The following RGS12 variants were observed in gnomAD, a reference collection of about 807,000 sequenced individuals.
RGS12 encodes the protein regulator of G-protein signaling 12.
Under a neutral mutation model 120.1 loss-of-function variants are expected in RGS12, and 66 were observed. The observed-to-expected ratio is 0.55, with a 90% CI of 0.45 to 0.67. The LOEUF (loss-of-function observed/expected upper bound fraction) is 0.67. RGS12 is among the 30% of genes least tolerant of loss of function. RGS12 has a pLI of 0.00. For synonymous variants in RGS12, 827 were observed against 804.7 expected, an observed-to-expected ratio of 1.03 and a Z score of -0.47; for missense variants, 1,859 against 1,957.7, an observed-to-expected ratio of 0.95 and a Z score of 0.95.
intron 4 of RGS12, among the ~76,000 whole-genome samples, chr4:3,411,869 C>T (rs540902610): frequency 3.9e-5 from 6 of 152,294 alleles, no homozygotes; most frequent in Admixed American, 6.5e-5. Flanking sequence ...CCCTGTCCTG[C>T]GTGTGAGCGC....
intron 4 of RGS12, among the ~76,000 whole-genome samples, chr4:3,391,182 A>G (rs1719456622): frequency 6.6e-6 from 1 of 152,254 alleles, no homozygotes; most frequent in African/African-American, 2.4e-5. Flanking sequence ...GGACTTCAAA[A>G]TGATGCTCAG....
intron 4 of RGS12, among the ~76,000 whole-genome samples, chr4:3,401,903 T>C (rs937672854): frequency 2.0e-5 from 3 of 152,270 alleles, no homozygotes; most frequent in African/African-American, 7.2e-5. Flanking sequence ...GCCTCGTCTC[T>C]TGCTGCGTAA....
chr4:3,289,141 TTGTTTTACA>T (rs2110336505), upstream of RGS12, among the ~76,000 whole-genome samples: 1 of 152,342 alleles, frequency 6.6e-6, no homozygotes, highest in Admixed American at 6.5e-5. Context: ...TCAGAGAACA[TTGTTTTACA>T]TGTTTTCTTA....
chr4:3,352,079 G>C (rs912327678), intron 3 of RGS12, among the ~76,000 whole-genome samples: 10 of 152,102 alleles, frequency 6.6e-5, no homozygotes, highest in African/African-American at 2.2e-4. Flanking sequence ...TTTAAGCCAG[G>C]CATGCAGTCC....
In RGS12 at chr4:3,365,691, G is replaced by A. The variant is rs933049049; in HGVS notation, c.1999-20725G>A. Among the ~76,000 whole-genome samples the A allele has an allele frequency of 7.9e-5, 12 of 152,134 alleles. No individual in the cohort carries two copies. The highest frequency in any genetic ancestry group is 6.5e-4 in the Admixed American group (10 of 15,280). ...GATCCTCACAGGCCTTTCAGAATAA[G>A]CTCCTTTTACCCTGTCTCTTAGGTT... On this transcript the variant is annotated intron_variant, in intron 3 of 17. Coordinates refer to ENST00000336727, the MANE Select transcript of RGS12 (RefSeq NM_001394154.1). This position sits in a 1 kb window ranked among gnomAD's most constrained non-coding sequence, Gnocchi z 4.0.
intron 3 of RGS12, chr4:3,370,107 G>A: frequency 7.2e-7 from 1 of 1,380,452 alleles, no homozygotes; most frequent in Non-Finnish European, 9.4e-7. Flanking sequence ...CTGAAACCCT[G>A]GCAAGCCACA....
chr4:3,378,861 A>G (rs1717959245), intron 3 of RGS12, among the ~76,000 whole-genome samples: 1 of 152,244 alleles, frequency 6.6e-6, no homozygotes, highest in Admixed American at 6.5e-5. Context: ...TGAAAAATTA[A>G]ATATGGAACT....
At chr4:3,360,218 A>G (rs1015320695) in intron 3 of RGS12, among the ~76,000 whole-genome samples, 5 of 152,132 alleles carry the variant, frequency 3.3e-5, no homozygotes, top group African/African-American at 1.2e-4. Context: ...TGTCCCTTTT[A>G]TCATTTCTGA....
chr4:3,330,462 C>T (rs1230896068), intron 2 of RGS12, among the ~76,000 whole-genome samples: 2 of 152,166 alleles, frequency 1.3e-5, no homozygotes, highest in East Asian at 1.9e-4. Context: ...TTCCTTCACT[C>T]AGGGAGAGAA....
intron 4 of RGS12, among the ~76,000 whole-genome samples, chr4:3,395,708 G>A (rs923234640): frequency 6.6e-6 from 1 of 152,076 alleles, no homozygotes; most frequent in African/African-American, 2.4e-5. Flanking sequence ...TTGGCCCTTT[G>A]AATATCTTAT....
chr4:3,331,083 C>T (rs529463845), intron 2 of RGS12, among the ~76,000 whole-genome samples: 11 of 152,278 alleles, frequency 7.2e-5, no homozygotes, highest in African/African-American at 2.2e-4. Flanking sequence ...CAGCCTGTCA[C>T]GCAAAGCGGA....
intron 3 of RGS12, among the ~76,000 whole-genome samples, chr4:3,350,990 C>G (rs757267305): frequency 3.9e-5 from 6 of 152,146 alleles, no homozygotes; most frequent in Admixed American, 1.3e-4. Flanking sequence ...ATAGTTGGAT[C>G]AAATTATATT....
rs199597155 is a variant in RGS12, at chr4:3,430,582, A to G, written c.3741A>G (p.Thr1247=). 261 of 1,612,782 alleles carry G rather than the reference A, an allele frequency of 1.6e-4. 1 individual carries two copies. The highest frequency in any genetic ancestry group is 5.8e-4 in the East Asian group (26 of 44,862). ...AGGGCTTTAGCAAGAGAAGCGCCAC[A>G]GGCAACGGCCGGGAGAGCGCCTCCC... ...VAKGFSKRSA[T]GNGRESASQP... Residue 1247 remains threonine (T), a synonymous_variant, in exon 17 of 18, where the codon ACA becomes ACG. Coordinates refer to ENST00000336727, the MANE Select transcript of RGS12 (RefSeq NM_001394154.1).
chr4:3,399,724 A>G (rs1720390299), intron 4 of RGS12, among the ~76,000 whole-genome samples: 1 of 152,256 alleles, frequency 6.6e-6, no homozygotes, highest in Non-Finnish European at 1.5e-5. Context: ...TGCCCAAACC[A>G]ATATACAGAT....
chr4:3,381,779 A>T (rs1464171231), intron 3 of RGS12, among the ~76,000 whole-genome samples: 1 of 152,252 alleles, frequency 6.6e-6, no homozygotes, highest in Non-Finnish European at 1.5e-5. Context: ...TCACCTGGAC[A>T]TCAAACTGCT....
chr4:3,313,940 C>G (rs1376253534), intron 1 of RGS12, among the ~76,000 whole-genome samples: 1 of 151,942 alleles, frequency 6.6e-6, no homozygotes, highest in African/African-American at 2.4e-5. Context: ...GAAGATCGAT[C>G]CCCAGACGTG....
upstream of RGS12, among the ~76,000 whole-genome samples, chr4:3,292,237 T>A (rs958824475): frequency 6.6e-6 from 1 of 151,938 alleles, no homozygotes; most frequent in African/African-American, 2.4e-5. Flanking sequence ...GCCTAAAGGG[T>A]GAAGGCGGCG....
chr4:3,413,574 G>A (rs746922816), intron 4 of RGS12: 127 of 154,326 alleles, frequency 8.2e-4, no homozygotes, highest in Admixed American at 3.1e-3. Flanking sequence ...GGCACCGTGG[G>A]TCAGGACGTA....
At chr4:3,377,587 TTA>T (rs1269322576) in intron 3 of RGS12, among the ~76,000 whole-genome samples, 1 of 152,222 alleles carries the variant, frequency 6.6e-6, no homozygotes, top group Non-Finnish European at 1.5e-5. Context: ...AATTTGGAAA[TTA>T]TGTGTTTTAA....
Sources: allele counts gnomAD v4.1 joint callset (sites outside exome capture counted in the v4.1 genomes callset), GRCh38; gene constraint gnomAD v4.1.1; non-coding constraint Gnocchi (gnomAD v3.1); transcripts MANE v1.5; gene names NCBI Gene and HGNC (gene_info 2026-07-23, HGNC 2026-07-21).